Variants in CALCA observed in about 807,000 individuals in gnomAD.
CALCA encodes the protein calcitonin.
CALCA carries 4 observed loss-of-function variants against 6.9 expected under a neutral mutation model. The ratio of observed to expected loss-of-function variants is 0.58; its 90% CI spans 0.29 to 1.33. The LOEUF is 1.33. Ranked by LOEUF, CALCA falls within the 40% of genes most tolerant of loss-of-function variation. The pLI, the probability that CALCA is intolerant of heterozygous loss-of-function variation, is 0.09. For missense variants in CALCA, 174 were observed against 178.3 expected, an observed-to-expected ratio of 0.98 and a Z score of 0.14; for synonymous variants, 78 against 70.0, an observed-to-expected ratio of 1.11 and a Z score of -0.57.
chr11:14,967,275 A>G (rs35096144), downstream of CALCA, among the ~76,000 whole-genome samples: 218 of 152,348 alleles, frequency 1.4e-3, no homozygotes, highest in African/African-American at 4.9e-3. Flanking sequence ...GTTCATGGTC[A>G]TATAGCTGGT....
At chr11:14,969,140 G>T in intron 3 of CALCA, 143 bp from the exon 4 acceptor site, 1 of 759,282 alleles carries the variant, frequency 1.3e-6, no homozygotes. Context: ...TCCTTCATTA[G>T]GAGAGCTCAG....
chr11:14,970,164 C>G, intron 2 of CALCA, 89 bp from the exon 3 acceptor site: 4 of 1,560,264 alleles, frequency 2.6e-6, no homozygotes, highest in Non-Finnish European at 3.5e-6. Flanking sequence ...GTCTTTGCTT[C>G]TTCCCCTGAG....
intron 2 of CALCA, among the ~76,000 whole-genome samples, chr11:14,970,396 C>A (rs1462927962): frequency 2.0e-5 from 3 of 152,170 alleles, no homozygotes; most frequent in Non-Finnish European, 2.9e-5. Context: ...AAAATAGTTT[C>A]AGTTTAATAG....
At chr11:14,970,472 G>T (rs1410782090) in intron 2 of CALCA, among the ~76,000 whole-genome samples, 2 of 152,128 alleles carry the variant, frequency 1.3e-5, no homozygotes, top group Non-Finnish European at 2.9e-5. Flanking sequence ...CAAATTTAGT[G>T]GCAAACTATT....
Position 14,968,896 on chromosome 11 carries a change from G to A in CALCA, c.329C>T (p.Ala110Val), listed in dbSNP as rs782048888. The A allele has an allele frequency of 1.7e-5, 28 of 1,613,928 alleles. No individual in the cohort carries two copies. In the African/African-American group the frequency reaches 3.5e-4, roughly 20 times the overall value. The change falls in exon 4 of 4, where the codon GCA (alanine) becomes GTA (valine). Residue 110 changes from alanine to valine, a missense_variant. Ala to Val is a moderately conservative substitution (Grantham distance 64, BLOSUM62 0). Transcript: ENST00000331587. ...FNKFHTFPQT[A>V]IGVGAPGKKR... Reference sequence around the variant, plus strand: ...CTTTCCAGGTGCTCCAACCCCAATTGCAGTTTGGGGGAACGTGTGAAACTT... The same window carrying A: ...CTTTCCAGGTGCTCCAACCCCAATTACAGTTTGGGGGAACGTGTGAAACTT...
At chr11:14,969,030 G>T in intron 3 of CALCA, 33 bp from the exon 4 acceptor site, 1 of 1,598,980 alleles carries the variant, frequency 6.3e-7, no homozygotes, top group Non-Finnish European at 8.6e-7. Flanking sequence ...ACAGTACCAT[G>T]CACCAGAATC....
intron 3 of CALCA, 136 bp downstream of exon 3, chr11:14,969,799 T>C (rs1257804484): frequency 2.9e-6 from 4 of 1,365,310 alleles, no homozygotes; most frequent in Non-Finnish European, 4.1e-6. Context: ...TGAGAACAGC[T>C]GGGCCCCAGG....
intron 2 of CALCA, among the ~76,000 whole-genome samples, chr11:14,970,897 C>G (rs1849587185): frequency 6.6e-6 from 1 of 152,028 alleles, no homozygotes; most frequent in African/African-American, 2.4e-5. Context: ...GAGACTCTGT[C>G]TCAAAAAAAT....
intron 1 of CALCA, 124 bp from the exon 2 acceptor site, chr11:14,971,325 G>A: frequency 1.4e-6 from 1 of 729,718 alleles, no homozygotes; most frequent in East Asian, 2.7e-5. Flanking sequence ...CTTCAGACTG[G>A]TCATTATATT....
At chr11:14,969,588 A>G (rs538394657) in intron 3 of CALCA, among the ~76,000 whole-genome samples, 1 of 152,226 alleles carries the variant, frequency 6.6e-6, no homozygotes, top group East Asian at 1.9e-4. Flanking sequence ...GAGATGTACT[A>G]TGTGTATCCC....
chr11:14,969,028 A>G (rs1849526718), intron 3 of CALCA, 31 bp from the exon 4 acceptor site: 2 of 1,600,376 alleles, frequency 1.2e-6, no homozygotes, highest in Non-Finnish European at 1.7e-6. Context: ...AGACAGTACC[A>G]TGCACCAGAA....
At chr11:14,969,273 G>A (rs1590265367) in intron 3 of CALCA, among the ~76,000 whole-genome samples, 2 of 152,130 alleles carry the variant, frequency 1.3e-5, no homozygotes, top group East Asian at 3.9e-4. Flanking sequence ...AGATGCAGGG[G>A]CAACACATGC....
In CALCA at chr11:14,968,790, G is replaced by C. The variant is rs1461669465; in HGVS notation, c.*9C>G. 4 of 1,614,008 alleles carry C rather than the reference G, an allele frequency of 2.5e-6. No homozygotes were observed. In the Admixed American group the frequency reaches 6.7e-5, roughly 27 times the overall value. Reference sequence around the variant, plus strand: ...GCAAGAAGGGAAATTAGGAAGGAAAGGGAGGAGTTTAGTTGGCATTCTGGG... The same window carrying C: ...GCAAGAAGGGAAATTAGGAAGGAAACGGAGGAGTTTAGTTGGCATTCTGGG... On this transcript the variant is annotated 3_prime_UTR_variant, in exon 4 of 4. Coordinates refer to ENST00000331587, the MANE Select transcript of CALCA (RefSeq NM_001741.3).
downstream of CALCA, chr11:14,967,637 C>A: frequency 1.1e-5 from 18 of 1,611,576 alleles, no homozygotes; most frequent in Non-Finnish European, 1.5e-5. Flanking sequence ...AAAAACCAGT[C>A]ATTCATCTTC....
chr11:14,969,626 A>G (rs931110029), intron 3 of CALCA, among the ~76,000 whole-genome samples: 2 of 152,170 alleles, frequency 1.3e-5, no homozygotes, highest in East Asian at 3.9e-4. Flanking sequence ...GTCTTAACTC[A>G]TCCAGTGCTG....
downstream of CALCA, chr11:14,967,728 G>A (rs1426995666): frequency 1.2e-6 from 2 of 1,614,060 alleles, no homozygotes; most frequent in Non-Finnish European, 1.7e-6. Context: ...GCCTGCCAAA[G>A]GCTTTGGAAC....
At chr11:14,969,043 T>C in intron 3 of CALCA, 46 bp from the exon 4 acceptor site, 1 of 1,574,164 alleles carries the variant, frequency 6.4e-7, no homozygotes, top group Non-Finnish European at 8.7e-7. Flanking sequence ...CCAGAATCTG[T>C]CCCCATGGGC....
intron 3 of CALCA, 102 bp from the exon 4 acceptor site, chr11:14,969,099 GGGGCAGGCAGGA>G (rs1849528541): frequency 9.5e-7 from 1 of 1,048,152 alleles, no homozygotes; most frequent in South Asian, 1.3e-5. Context: ...GGGAGCAGGA[GGGGCAGGCAGGA>G]GGGCAGCTCA....
At chr11:14,970,154 G>C (rs965219384) in intron 2 of CALCA, 79 bp from the exon 3 acceptor site, 4 of 1,576,594 alleles carry the variant, frequency 2.5e-6, no homozygotes, top group Non-Finnish European at 3.5e-6. Context: ...AGGCTTCCTG[G>C]TCTTTGCTTC....
Sources: gnomAD v4.1 joint callset for allele counts (sites outside exome capture counted in the v4.1 genomes callset) on GRCh38, gnomAD v4.1.1 for gene constraint, MANE v1.5 for transcripts, NCBI Gene and HGNC (gene_info 2026-07-23, HGNC 2026-07-21) for gene names.